ACBD7: variants seen among roughly 807,000 people sequenced by gnomAD.
ACBD7 encodes the protein acyl-CoA-binding domain-containing protein 7.
ACBD7 carries 11 observed loss-of-function variants against 13.7 expected under a neutral mutation model. The observed-to-expected ratio is 0.80, with a 90% CI of 0.50 to 1.33. The LOEUF (loss-of-function observed/expected upper bound fraction) is 1.33, where lower values mean the gene tolerates loss of function less well. ACBD7 is among the 40% of genes most tolerant of loss of function. The pLI, the probability that ACBD7 is intolerant of heterozygous loss-of-function variation, is 0.00. For missense variants in ACBD7, 111 were observed against 103.0 expected (o/e 1.08, Z -0.33); for synonymous variants, 43 against 37.7 (o/e 1.14, Z -0.51).
intron 1 of ACBD7, among the ~76,000 whole-genome samples, chr10:15,080,246 C>T (rs886074930): frequency 1.6e-4 from 24 of 152,074 alleles, no homozygotes; most frequent in African/African-American, 5.8e-4. Flanking sequence ...TACCAATATG[C>T]TTGAGTGGTA....
At chr10:15,083,752 G>C (rs1370468164) in intron 1 of ACBD7, among the ~76,000 whole-genome samples, 2 of 152,142 alleles carry the variant, frequency 1.3e-5, no homozygotes, top group African/African-American at 4.8e-5. Context: ...CAAAGTGCTG[G>C]GATTACAGGC....
At chr10:15,086,200 A>C (rs1844806288) in intron 1 of ACBD7, among the ~76,000 whole-genome samples, 1 of 151,962 alleles carries the variant, frequency 6.6e-6, no homozygotes, top group Admixed American at 6.6e-5. Flanking sequence ...TCCAGCTACT[A>C]GGAGGCTAAG....
intron 1 of ACBD7, 61 bp from the exon 2 acceptor site, chr10:15,079,101 A>C: frequency 6.4e-6 from 7 of 1,090,606 alleles, no homozygotes; most frequent in Non-Finnish European, 8.0e-6. Context: ...ATAGGAACTC[A>C]AAGAGCAGGA....
intron 2 of ACBD7, 30 bp from the exon 3 acceptor site, chr10:15,078,783 G>A (rs753022775): frequency 1.9e-6 from 3 of 1,610,398 alleles, no homozygotes; most frequent in Non-Finnish European, 2.5e-6. Context: ...TGCATTTGCA[G>A]GTTAACATTT....
intron 1 of ACBD7, among the ~76,000 whole-genome samples, chr10:15,082,866 G>A (rs191354018): frequency 3.8e-4 from 58 of 151,938 alleles, no homozygotes; most frequent in African/African-American, 1.3e-3. Context: ...GTGAAACACC[G>A]TCTCTACTAA....
Position 15,076,648 on chromosome 10 carries a change from G to A in ACBD7, c.*1882C>T, listed in dbSNP as rs1844685757. ...CTCCCAAGTAGCTGGAATTACAGGT[G>A]TGCACCACCAATGGCTGGCTAATTT... is the stretch of plus-strand genomic sequence containing the variant. On this transcript the variant is annotated 3_prime_UTR_variant, in exon 4 of 4. Coordinates refer to ENST00000356189, the MANE Select transcript of ACBD7 (RefSeq NM_001039844.3). 2 of 605,176 alleles carry A rather than the reference G, an allele frequency of 3.3e-6. No individual in the cohort carries two copies. Among genetic ancestry groups the A allele is most frequent in the South Asian group, 7.4e-5 (1 of 13,538 alleles). The allele number at this position is 605,176 out of a possible 1,614,324, so 37.5% of individuals were successfully genotyped here. A position where few individuals can be genotyped will look rare whatever the true frequency, so the allele number is the denominator to read the frequency against.
chr10:15,084,636 T>C (rs1230240456), intron 1 of ACBD7, among the ~76,000 whole-genome samples: 6 of 152,218 alleles, frequency 3.9e-5, no homozygotes, highest in Non-Finnish European at 8.8e-5. Flanking sequence ...CATTGGTTAC[T>C]TGGTGTGCAT....
chr10:15,078,455 G>A lies in ACBD7; in HGVS notation c.*75C>T. ...ACATGATACATCAAGTTAACAGTAT[G>A]CCTCTCCCTCTAAATGTTAGGTCAT... On this transcript the variant is annotated 3_prime_UTR_variant, in exon 4 of 4. Transcript: ENST00000356189. 1.2e-6 allele frequency: 2 copies of A among 1,607,992 alleles called. No homozygotes were observed. Among genetic ancestry groups the A allele is most frequent in the Non-Finnish European group, 8.5e-7 (1 of 1,177,734 alleles).
chr10:15,078,652 T>C (rs1189184003), intron 3 of ACBD7, 39 bp downstream of exon 3: 1 of 1,613,940 alleles, frequency 6.2e-7, no homozygotes, highest in Non-Finnish European at 8.5e-7. Flanking sequence ...ACTGGGAAAT[T>C]AAGAAAGTTT....
At position 15,075,719 on chromosome 10, in the gene ACBD7, G is replaced by A. The variant is rs1288721776; in HGVS notation, c.*2811C>T. On this transcript the variant is annotated 3_prime_UTR_variant, in exon 4 of 4. Transcript: ENST00000356189. ...CTGGACGCGGTGGCTCATGCCTATA[G>A]TCTCAGCACTTTGGGGGGCCAAGGT... Among the ~76,000 whole-genome samples, 3 of 152,040 alleles carry A rather than the reference G, an allele frequency of 2.0e-5. No individual in the cohort carries two copies. Among genetic ancestry groups the A allele is most frequent in the African/African-American group, 7.2e-5 (3 of 41,406 alleles).
At chr10:15,087,838 A>C (rs1329494640) in intron 1 of ACBD7, among the ~76,000 whole-genome samples, 1 of 151,614 alleles carries the variant, frequency 6.6e-6, no homozygotes, top group Admixed American at 6.6e-5. Context: ...AATTACAAAA[A>C]TCAGCCGGGC....
At chr10:15,081,257 C>T (rs987373158) in intron 1 of ACBD7, among the ~76,000 whole-genome samples, 1 of 152,158 alleles carries the variant, frequency 6.6e-6, no homozygotes, top group East Asian at 1.9e-4. Context: ...GAGTTTTGCC[C>T]AGGCCCTTCC....
intron 1 of ACBD7, among the ~76,000 whole-genome samples, chr10:15,084,935 G>GTTTTCC (rs150711174): frequency 0.29 from 44,103 of 151,788 alleles, 8,239 homozygotes; most frequent in African/African-American, 0.53. Context: ...GAAAGTTGGG[G>GTTTTCC]TTTTGATTTA....
intron 1 of ACBD7, among the ~76,000 whole-genome samples, chr10:15,083,495 T>C (rs567651769): frequency 2.6e-5 from 4 of 152,302 alleles, no homozygotes; most frequent in African/African-American, 9.6e-5. Flanking sequence ...AATATAATTT[T>C]CTTTTTGAGA....
At chr10:15,088,675 G>T in intron 1 of ACBD7, 42 bp downstream of exon 1, 3 of 1,589,728 alleles carry the variant, frequency 1.9e-6, no homozygotes, top group Non-Finnish European at 2.6e-6. Context: ...CACTCCCCTC[G>T]CGGAGCGCCC....
intron 1 of ACBD7, among the ~76,000 whole-genome samples, chr10:15,088,086 A>ATT (rs1844829912): frequency 7.3e-6 from 1 of 136,624 alleles, no homozygotes; most frequent in Non-Finnish European, 1.5e-5. Flanking sequence ...TAGGAATAAA[A>ATT]CTATATACAC....
At chr10:15,078,881 A>T (rs1447068324) in intron 2 of ACBD7, 42 bp downstream of exon 2, 3 of 1,229,430 alleles carry the variant, frequency 2.4e-6, no homozygotes, top group Non-Finnish European at 3.2e-6. Context: ...TAATATATTA[A>T]TTGTAACATA....
chr10:15,081,594 C>T lies in ACBD7; in HGVS notation c.13-2554G>A, dbSNP rs149835461. Reference sequence around the variant, plus strand: ...AAACTCTGTAATTTTGAGTTGGCTTCGCAATAATTTGCAGTCCTTCTCCTT... The same window carrying T: ...AAACTCTGTAATTTTGAGTTGGCTTTGCAATAATTTGCAGTCCTTCTCCTT... On this transcript the variant is annotated intron_variant, in intron 1 of 3. Coordinates refer to ENST00000356189, the MANE Select transcript of ACBD7 (RefSeq NM_001039844.3). Among the ~76,000 whole-genome samples, 223 of 152,306 alleles carry T rather than the reference C, an allele frequency of 1.5e-3. 1 individual carries two copies. The highest frequency in any genetic ancestry group is 4.9e-3 in the African/African-American group (202 of 41,550).
chr10:15,088,729 G>A lies in ACBD7; in HGVS notation c.-1C>T, dbSNP rs1172302656. 1.9e-6 allele frequency: 3 copies of A among 1,598,620 alleles called. No homozygotes were observed. The highest frequency in any genetic ancestry group is 3.4e-5 in the Admixed American group (2 of 59,240). ...GCGCCCCGGGTACCTGCAGGGCCAT[G>A]GTGGCGGCTGCCGCGTTGTTGCTGC... On this transcript the variant is annotated 5_prime_UTR_variant, in exon 1 of 4. Coordinates refer to ENST00000356189, the MANE Select transcript of ACBD7 (RefSeq NM_001039844.3).
Sources: allele counts gnomAD v4.1 joint callset (sites outside exome capture counted in the v4.1 genomes callset), GRCh38; gene constraint gnomAD v4.1.1; transcripts MANE v1.5; gene names NCBI Gene and HGNC (gene_info 2026-07-23, HGNC 2026-07-21).